The following TTC27 variants were observed in gnomAD, a reference collection of about 807,000 sequenced individuals.
TTC27 encodes the protein tetratricopeptide repeat protein 27.
A neutral mutation model predicts 115.9 loss-of-function variants in TTC27; 79 were observed. The observed-to-expected ratio is 0.68, with a 90% CI of 0.57 to 0.82. The LOEUF (loss-of-function observed/expected upper bound fraction) is 0.82, where lower values mean the gene tolerates loss of function less well. TTC27 is among the 40% of genes least tolerant of loss of function. The probability of loss-of-function intolerance (pLI) is 0.00; values close to 1 mark genes in which losing one functional copy is unlikely to be tolerated. For synonymous variants in TTC27, 401 were observed against 356.0 expected, an observed-to-expected ratio of 1.13 and a Z score of -1.42; for missense variants, 1,054 against 993.1, an observed-to-expected ratio of 1.06 and a Z score of -0.82.
chr2:32,814,489 G>C (rs1572637625), intron 18 of TTC27, among the ~76,000 whole-genome samples: 1 of 152,234 alleles, frequency 6.6e-6, no homozygotes, highest in South Asian at 2.1e-4. Context: ...TTGTACCTTA[G>C]TGCAGAAAGA....
At chr2:32,688,516 G>A (rs754658704) in intron 9 of TTC27, among the ~76,000 whole-genome samples, 5 of 151,948 alleles carry the variant, frequency 3.3e-5, no homozygotes, top group East Asian at 1.9e-4. Context: ...ATATTTACAC[G>A]GCATGTATCT....
chr2:32,784,268 T>C (rs1670277518), intron 15 of TTC27, among the ~76,000 whole-genome samples: 1 of 152,204 alleles, frequency 6.6e-6, no homozygotes, highest in Admixed American at 6.5e-5. Flanking sequence ...CTTTCTTACC[T>C]CTTGCAGCTC....
chr2:32,632,219 C>T (rs568529552), intron 2 of TTC27, among the ~76,000 whole-genome samples: 2 of 143,796 alleles, frequency 1.4e-5, no homozygotes, highest in South Asian at 2.2e-4. Context: ...ATATGTTGCT[C>T]AGGCTGGTCT....
intron 16 of TTC27, among the ~76,000 whole-genome samples, chr2:32,803,089 G>T (rs112777281): frequency 6.6e-6 from 1 of 152,284 alleles, no homozygotes; most frequent in African/African-American, 2.4e-5. Context: ...GGGCCACAGG[G>T]GGAGCTCACC....
chr2:32,782,947 A>G (rs1054514270), intron 15 of TTC27, among the ~76,000 whole-genome samples: 1 of 152,190 alleles, frequency 6.6e-6, no homozygotes, highest in African/African-American at 2.4e-5. Flanking sequence ...TACATTCTAC[A>G]TTTTATTACA....
chr2:32,812,516 C>A lies in TTC27; in HGVS notation c.2209C>A (p.Leu737Ile). 1 of 1,612,918 alleles carries A rather than the reference C, an allele frequency of 6.2e-7. No individual in the cohort carries two copies. The highest frequency in any genetic ancestry group is 8.5e-7 in the Non-Finnish European group (1 of 1,179,074). The change falls in exon 18 of 20, where the codon CTC becomes ATC. Residue 737 changes from leucine to isoleucine, a missense_variant. By Grantham distance (5) the Leu-to-Ile change is conservative. Coordinates refer to ENST00000317907, the MANE Select transcript of TTC27 (RefSeq NM_017735.5). The part of the protein sequence containing the change: ...PDENEKAFQC[L>I]SKAYKCDTQS... The stretch of plus-strand genomic sequence containing the variant: ...TCTCCTTCCTCAGGCATTCCAGTGC[C>A]TCTCAAAGGCATACAAGTGTGACAC...
chr2:32,689,717 T>A (rs1280664380), intron 9 of TTC27, among the ~76,000 whole-genome samples: 1 of 152,088 alleles, frequency 6.6e-6, no homozygotes, highest in East Asian at 1.9e-4. Flanking sequence ...TGAATTGAAA[T>A]TTTTCCCCTT....
At chr2:32,702,998 T>G (rs1403057335) in intron 10 of TTC27, 78 bp downstream of exon 10, 2 of 969,192 alleles carry the variant, frequency 2.1e-6, no homozygotes, top group African/African-American at 3.2e-5. Flanking sequence ...TTGCTATGAA[T>G]GAAGGAATGA....
chr2:32,666,519 T>C (rs1232157144), intron 6 of TTC27, 116 bp from the exon 7 acceptor site: 10 of 1,106,094 alleles, frequency 9.0e-6, no homozygotes, highest in South Asian at 5.2e-5. Flanking sequence ...GACTTTCTTA[T>C]GTGAAATGGA....
chr2:32,815,779 A>G (rs924627867), intron 18 of TTC27, among the ~76,000 whole-genome samples: 2 of 152,218 alleles, frequency 1.3e-5, no homozygotes, highest in Non-Finnish European at 2.9e-5. Flanking sequence ...AAACAGATTA[A>G]TAATCCCCGC....
intron 16 of TTC27, among the ~76,000 whole-genome samples, chr2:32,798,713 A>AAAAAAAAAATAAT (rs1368512271): frequency 2.1e-5 from 3 of 142,354 alleles, no homozygotes; most frequent in African/African-American, 8.1e-5. Flanking sequence ...TCAAAAAAAA[A>AAAAAAAAAATAAT]AATAATAATA....
At chr2:32,631,005 T>C (rs1664170742) in intron 2 of TTC27, among the ~76,000 whole-genome samples, 1 of 152,204 alleles carries the variant, frequency 6.6e-6, no homozygotes, top group South Asian at 2.1e-4. Flanking sequence ...TTCCTTTAAC[T>C]TAAAAACATA....
At chr2:32,766,108 C>T (rs950683878) in intron 13 of TTC27, among the ~76,000 whole-genome samples, 1 of 152,182 alleles carries the variant, frequency 6.6e-6, no homozygotes, top group Non-Finnish European at 1.5e-5. Flanking sequence ...GCCCAGCTTT[C>T]GGCCTGTCTC....
At chr2:32,793,818 C>T (rs1044593189) in intron 16 of TTC27, among the ~76,000 whole-genome samples, 16 of 152,004 alleles carry the variant, frequency 1.1e-4, no homozygotes, top group Admixed American at 4.6e-4. Flanking sequence ...CCACCATACC[C>T]GGCCTGTTAC....
intron 16 of TTC27, among the ~76,000 whole-genome samples, chr2:32,790,194 TTC>T (rs1189416647): frequency 6.6e-6 from 1 of 152,052 alleles, no homozygotes; most frequent in Non-Finnish European, 1.5e-5. Flanking sequence ...CAAAATTGTG[TTC>T]TGATTCCAAT....
chr2:32,724,934 G>A (rs1211846503), intron 10 of TTC27, among the ~76,000 whole-genome samples: 1 of 152,204 alleles, frequency 6.6e-6, no homozygotes, highest in Non-Finnish European at 1.5e-5. Flanking sequence ...CATGGTGGAA[G>A]GCAAGGAGGA....
intron 9 of TTC27, among the ~76,000 whole-genome samples, chr2:32,699,606 A>G (rs767975214): frequency 9.9e-5 from 15 of 152,184 alleles, no homozygotes; most frequent in Non-Finnish European, 1.8e-4. Context: ...TACTTATCCA[A>G]TGTCCCATAT....
At chr2:32,818,348 T>C (rs1034181224) in intron 19 of TTC27, among the ~76,000 whole-genome samples, 1 of 152,198 alleles carries the variant, frequency 6.6e-6, no homozygotes, top group Non-Finnish European at 1.5e-5. Flanking sequence ...AAAATTGACT[T>C]AGATAAAAAT....
At chr2:32,660,779 C>T (rs549730259) in intron 5 of TTC27, among the ~76,000 whole-genome samples, 1 of 152,270 alleles carries the variant, frequency 6.6e-6, no homozygotes, top group South Asian at 2.1e-4. Context: ...TTAATTAGAT[C>T]TCATTTGTCA....
Sources: gnomAD v4.1 joint callset for allele counts (sites outside exome capture counted in the v4.1 genomes callset) on GRCh38, gnomAD v4.1.1 for gene constraint, MANE v1.5 for transcripts, NCBI Gene and HGNC (gene_info 2026-07-23, HGNC 2026-07-21) for gene names.